The following ABCA13 variants were observed in gnomAD, a reference collection of about 807,000 sequenced individuals.
The protein encoded by ABCA13 is ATP binding cassette subfamily A member 13, also known as ATP-binding cassette sub-family A member 13.
In ABCA13, 476 loss-of-function variants were observed where a neutral mutation model predicts 478.7. The observed-to-expected ratio is 0.99, with a 90% CI of 0.92 to 1.07. The LOEUF (loss-of-function observed/expected upper bound fraction) is 1.07. Among genes scored for constraint, ABCA13 ranks in the 50% least tolerant of loss-of-function variants. ABCA13 has a pLI of 0.00. For missense variants in ABCA13, 6,060 were observed against 5,910.6 expected (o/e 1.03, Z -0.83); for synonymous variants, 2,252 against 2,158.9 (o/e 1.04, Z -1.20).
chr7:48,391,212 C>T (rs151306472), intron 37 of ABCA13, among the ~76,000 whole-genome samples: 124 of 152,170 alleles, frequency 8.1e-4, no homozygotes, highest in African/African-American at 2.8e-3. Flanking sequence ...CTTTGTATCT[C>T]TGTTTTGCTT....
chr7:48,425,831 C>T (rs928573697), intron 41 of ABCA13, among the ~76,000 whole-genome samples: 5 of 152,022 alleles, frequency 3.3e-5, no homozygotes, highest in African/African-American at 4.8e-5. Flanking sequence ...GGCTCCGCCC[C>T]CTGGGGTTCA....
In ABCA13 at chr7:48,507,999, A is replaced by T; in HGVS notation, c.13474A>T (p.Ser4492Cys). 6.2e-7 allele frequency: 1 copy of T among 1,613,874 alleles called. No homozygotes were observed. Among genetic ancestry groups the T allele is most frequent in the Non-Finnish European group, 8.5e-7 (1 of 1,179,834 alleles). The change falls in exon 50 of 62, where the codon AGT becomes TGT. Residue 4492 changes from serine (S) to cysteine (C), a missense_variant. Coordinates refer to ENST00000435803, the MANE Select transcript of ABCA13 (RefSeq NM_152701.5). ...VIGAKRLQHI[S>C]GLGYRMYWFT... The stretch of plus-strand genomic sequence containing the variant: ...TGGAGCCAAAAGGTTGCAGCACATA[A>T]GTGGCCTTGGCTACAGGATGTACTG...
chr7:48,447,536 A>G (rs10272707), intron 42 of ABCA13, among the ~76,000 whole-genome samples: 45,250 of 152,030 alleles, frequency 0.3, 6,822 homozygotes, highest in East Asian at 0.37. Context: ...AGCCCCATTA[A>G]TGACTTGAAA....
chr7:48,223,582 A>G (rs1160097129), intron 5 of ABCA13, among the ~76,000 whole-genome samples: 3 of 152,126 alleles, frequency 2.0e-5, no homozygotes, highest in Non-Finnish European at 4.4e-5. Flanking sequence ...GATTAGCAGC[A>G]TGGAGTTCAT....
At chr7:48,632,903 C>G (rs931527917) in intron 59 of ABCA13, among the ~76,000 whole-genome samples, 1 of 152,028 alleles carries the variant, frequency 6.6e-6, no homozygotes, top group Non-Finnish European at 1.5e-5. Flanking sequence ...ACCTCTCACA[C>G]AGTTAATACA....
intron 45 of ABCA13, among the ~76,000 whole-genome samples, chr7:48,474,211 C>CA (rs1827831729): frequency 6.6e-6 from 1 of 152,072 alleles, no homozygotes; most frequent in Non-Finnish European, 1.5e-5. Flanking sequence ...TGTGAATTTG[C>CA]ATGGGAGGAT....
intron 27 of ABCA13, among the ~76,000 whole-genome samples, chr7:48,324,937 G>A (rs1563053530): frequency 6.6e-6 from 1 of 152,210 alleles, no homozygotes; most frequent in Non-Finnish European, 1.5e-5. Flanking sequence ...TTTGGAGGAG[G>A]AGAAGATGTG....
intron 45 of ABCA13, among the ~76,000 whole-genome samples, chr7:48,476,199 T>C (rs1349418596): frequency 2.0e-5 from 3 of 152,152 alleles, no homozygotes; most frequent in Non-Finnish European, 4.4e-5. Context: ...CAGCTTCTCT[T>C]GTTTCTGGCC....
intron 31 of ABCA13, among the ~76,000 whole-genome samples, chr7:48,366,228 C>A (rs932430099): frequency 2.0e-5 from 3 of 152,190 alleles, no homozygotes; most frequent in East Asian, 3.9e-4. Context: ...TTGCTCCAAC[C>A]TCTGGTCCTT....
At chr7:48,203,743 C>T (rs946376497) in intron 3 of ABCA13, among the ~76,000 whole-genome samples, 1 of 152,204 alleles carries the variant, frequency 6.6e-6, no homozygotes, top group Admixed American at 6.5e-5. Context: ...GCTGTCTAAA[C>T]CCGACCCTCA....
At chr7:48,443,793 G>A (rs908276034) in intron 42 of ABCA13, among the ~76,000 whole-genome samples, 3 of 152,098 alleles carry the variant, frequency 2.0e-5, no homozygotes, top group Non-Finnish European at 4.4e-5. Context: ...TTGGAGGAGG[G>A]AGTTCCTGCC....
chr7:48,179,317 G>A (rs1795325305), intron 1 of ABCA13, among the ~76,000 whole-genome samples: 1 of 152,118 alleles, frequency 6.6e-6, no homozygotes, highest in East Asian at 1.9e-4. Context: ...TTCTTTTTTC[G>A]ATTTGGAACT....
chr7:48,228,307 C>T (rs777129373), intron 6 of ABCA13, among the ~76,000 whole-genome samples: 2 of 152,070 alleles, frequency 1.3e-5, no homozygotes, highest in Non-Finnish European at 2.9e-5. Context: ...GGGGATGTGT[C>T]CACGGAGCCC....
chr7:48,268,224 T>C (rs1795119123), intron 15 of ABCA13, among the ~76,000 whole-genome samples: 1 of 152,172 alleles, frequency 6.6e-6, no homozygotes, highest in Admixed American at 6.5e-5. Context: ...TGGCGTGATC[T>C]TGGCTCACTG....
chr7:48,367,918 C>G lies in ABCA13; in HGVS notation c.10803+10C>G. 3 of 1,549,486 alleles carry G rather than the reference C, an allele frequency of 1.9e-6. No homozygotes were observed. Among genetic ancestry groups the G allele is most frequent in the Non-Finnish European group, 2.6e-6 (3 of 1,143,328 alleles). On this transcript the variant is annotated intron_variant, in intron 32 of 61. Transcript: ENST00000435803. ...GATACAGATAGAAGAGGTAAATATC[C>G]TTAAACCTTGCCTGGGAGACAAAGA...
intron 54 of ABCA13, 133 bp downstream of exon 54, chr7:48,524,573 A>G: frequency 1.3e-6 from 1 of 789,682 alleles, no homozygotes; most frequent in Non-Finnish European, 1.9e-6. Context: ...AAATTCCTAC[A>G]AAATCAGTAG....
intron 44 of ABCA13, among the ~76,000 whole-genome samples, chr7:48,469,406 T>C (rs1252249169): frequency 3.9e-5 from 6 of 152,108 alleles, no homozygotes; most frequent in East Asian, 1.9e-4. Context: ...AGGGGTAATA[T>C]AGGACCAGTC....
At chr7:48,468,927 T>C (rs1452091795) in intron 44 of ABCA13, among the ~76,000 whole-genome samples, 1 of 152,236 alleles carries the variant, frequency 6.6e-6, no homozygotes, top group African/African-American at 2.4e-5. Context: ...TAGTAGGTGA[T>C]GCATAATTTA....
chr7:48,314,523 G>C (rs1378667824), intron 26 of ABCA13, 114 bp downstream of exon 26: 29 of 992,552 alleles, frequency 2.9e-5, no homozygotes, highest in Non-Finnish European at 3.8e-5. Context: ...TACTGGCATA[G>C]AATCTTCTGC....
Sources: gnomAD v4.1 joint callset for allele counts (sites outside exome capture counted in the v4.1 genomes callset) on GRCh38, gnomAD v4.1.1 for gene constraint, MANE v1.5 for transcripts, NCBI Gene and HGNC (gene_info 2026-07-23, HGNC 2026-07-21) for gene names.